Variants in PACS1 observed in about 807,000 individuals in gnomAD.
PACS1 encodes phosphofurin acidic cluster sorting protein 1, also known as PACS-1.
Under a neutral mutation model 115.0 loss-of-function variants are expected in PACS1, and 24 were observed. That is an observed-to-expected ratio of 0.21 (90% CI 0.15 to 0.29). PACS1 has a LOEUF of 0.29. PACS1 is among the 10% of genes least tolerant of loss of function. The pLI is 1.00. For synonymous variants in PACS1, 453 were observed against 504.5 expected (o/e 0.90, Z 1.37); for missense variants, 838 against 1,251.2 (o/e 0.67, Z 4.98).
At position 66,229,204 on chromosome 11, in the gene PACS1, G is replaced by A. The variant is rs553273832; in HGVS notation, c.1375-1344G>A. 6.8e-4 allele frequency among the ~76,000 whole-genome samples: 56 copies of A among 82,398 alleles called. No individual in the cohort carries two copies. The East Asian group carries it at 9.4e-3, about 14-fold the overall frequency. The allele number at this position is 82,398 out of a possible 152,430, so 54.1% of individuals were successfully genotyped here. A position where few individuals can be genotyped will look rare whatever the true frequency, so the allele number is the denominator to read the frequency against. On this transcript the variant is annotated intron_variant, in intron 11 of 23. Coordinates refer to ENST00000320580, the MANE Select transcript of PACS1 (RefSeq NM_018026.4). Reference sequence around the variant, plus strand: ...CAGCCCGGGCAACATGGAAAAACCCGTCTCTACAAAAAAAAAAAAAAAAAA... The same window carrying A: ...CAGCCCGGGCAACATGGAAAAACCCATCTCTACAAAAAAAAAAAAAAAAAA...
At chr11:66,110,948 C>T (rs3825067) in intron 1 of PACS1, among the ~76,000 whole-genome samples, 31,252 of 152,170 alleles carry the variant, frequency 0.21, 3,298 homozygotes, top group Middle Eastern at 0.28. Context: ...TAAAATTGAT[C>T]TCGGAGTCAC....
intron 2 of PACS1, among the ~76,000 whole-genome samples, chr11:66,198,807 C>T (rs2134681026): frequency 6.6e-6 from 1 of 152,190 alleles, no homozygotes; most frequent in Non-Finnish European, 1.5e-5. Context: ...TGTCTTCTCA[C>T]TAAATTATTT....
At chr11:66,150,197 T>C (rs1038719046) in intron 1 of PACS1, among the ~76,000 whole-genome samples, 3 of 152,210 alleles carry the variant, frequency 2.0e-5, no homozygotes, top group Admixed American at 1.3e-4. Context: ...TCTACAGCAA[T>C]TGGAATCCAA....
chr11:66,104,656 AGAG>A (rs1251020856), intron 1 of PACS1, among the ~76,000 whole-genome samples: 1 of 152,216 alleles, frequency 6.6e-6, no homozygotes, highest in Non-Finnish European at 1.5e-5. Flanking sequence ...GCTTGCTCTC[AGAG>A]GAGTTGAGTA....
chr11:66,101,616 G>A (rs985585167), intron 1 of PACS1, among the ~76,000 whole-genome samples: 2 of 152,154 alleles, frequency 1.3e-5, no homozygotes, highest in Non-Finnish European at 2.9e-5. Flanking sequence ...GTATTCCTGG[G>A]GTCTTCAACC....
At chr11:66,214,810 C>T (rs943049993) in intron 4 of PACS1, among the ~76,000 whole-genome samples, 9 of 151,416 alleles carry the variant, frequency 5.9e-5, no homozygotes, top group Admixed American at 2.6e-4. Context: ...TTAGTAGAGA[C>T]GGGGTTCCAC....
Position 66,232,848 on chromosome 11 carries a change from T to C in PACS1, c.1732-112T>C, listed in dbSNP as rs1317215101. On this transcript the variant is annotated intron_variant, in intron 14 of 23. Coordinates refer to ENST00000320580, the MANE Select transcript of PACS1 (RefSeq NM_018026.4). ...GCCTTTGCCCAGCTTCGGTCTGAAC[T>C]GCAGAGGACAGGGGCCCTGCAGCTC... The C allele has an allele frequency of 7.6e-6, 6 of 793,118 alleles. No homozygotes were observed. In the African/African-American group the frequency reaches 8.5e-5, roughly 11 times the overall value. 49.1% of individuals were successfully genotyped at this position (793,118 alleles called of 1,614,324 possible).
chr11:66,237,386 C>T (rs1855726164), intron 19 of PACS1, among the ~76,000 whole-genome samples: 1 of 152,174 alleles, frequency 6.6e-6, no homozygotes, highest in South Asian at 2.1e-4. Context: ...TTTGTAATTT[C>T]CTTGAGGCTC....
chr11:66,185,481 C>T (rs1248904524), intron 1 of PACS1, among the ~76,000 whole-genome samples: 1 of 152,180 alleles, frequency 6.6e-6, no homozygotes, highest in Non-Finnish European at 1.5e-5. Flanking sequence ...TGGAGAACCC[C>T]AGCTGTCCAT....
chr11:66,194,379 T>G (rs1854601619), intron 2 of PACS1, among the ~76,000 whole-genome samples: 1 of 152,216 alleles, frequency 6.6e-6, no homozygotes, highest in African/African-American at 2.4e-5. Context: ...TTATAACTCC[T>G]TACATTTGGT....
intron 2 of PACS1, among the ~76,000 whole-genome samples, chr11:66,205,937 CAGG>C (rs1188982756): frequency 6.6e-6 from 1 of 152,184 alleles, no homozygotes; most frequent in Non-Finnish European, 1.5e-5. Flanking sequence ...CACCTGAGGT[CAGG>C]AGTTCAAGAC....
chr11:66,137,687 T>C (rs1858879473), intron 1 of PACS1, among the ~76,000 whole-genome samples: 1 of 152,166 alleles, frequency 6.6e-6, no homozygotes, highest in Admixed American at 6.5e-5. Flanking sequence ...GGGGTGACAA[T>C]AATATTGGCC....
At chr11:66,228,156 C>T (rs1016505998) in intron 11 of PACS1, among the ~76,000 whole-genome samples, 2 of 148,644 alleles carry the variant, frequency 1.3e-5, no homozygotes, top group Non-Finnish European at 3.0e-5. Context: ...CCTGTACCTC[C>T]GGCCCAGGGA....
At chr11:66,073,916 C>CTTTT (rs34145797) in intron 1 of PACS1, among the ~76,000 whole-genome samples, 1 of 76,942 alleles carries the variant, frequency 1.3e-5, no homozygotes. Flanking sequence ...TCACACCTGG[C>CTTTT]TTTTTTTTTT....
intron 2 of PACS1, among the ~76,000 whole-genome samples, chr11:66,208,923 T>C (rs752681576): frequency 3.3e-5 from 5 of 152,206 alleles, no homozygotes; most frequent in Admixed American, 2.0e-4. Context: ...TTACCAACTT[T>C]GGATGTTGTG....
At chr11:66,106,837 C>T (rs1379508706) in intron 1 of PACS1, among the ~76,000 whole-genome samples, 4 of 152,142 alleles carry the variant, frequency 2.6e-5, no homozygotes, top group East Asian at 1.9e-4. Flanking sequence ...TATACCTTTC[C>T]GAAGGTTGTG....
chr11:66,186,087 T>C (rs1590804669), intron 1 of PACS1, among the ~76,000 whole-genome samples: 2 of 152,004 alleles, frequency 1.3e-5, no homozygotes, highest in Admixed American at 1.3e-4. Flanking sequence ...GGCAGTGTAA[T>C]GAGACCCCAT....
At chr11:66,156,839 C>T (rs1258619707) in intron 1 of PACS1, among the ~76,000 whole-genome samples, 1 of 147,520 alleles carries the variant, frequency 6.8e-6, no homozygotes, top group Non-Finnish European at 1.5e-5. Flanking sequence ...GGCGACAGAG[C>T]GAGACTCTGT....
At chr11:66,240,787 T>C (rs1256887471) in intron 21 of PACS1, among the ~76,000 whole-genome samples, 5 of 152,016 alleles carry the variant, frequency 3.3e-5, no homozygotes, top group African/African-American at 4.8e-5. Context: ...TTAATCTTGT[T>C]TTTTAATGGA....
Sources: gnomAD v4.1 joint callset for allele counts (sites outside exome capture counted in the v4.1 genomes callset) on GRCh38, gnomAD v4.1.1 for gene constraint, MANE v1.5 for transcripts, NCBI Gene and HGNC (gene_info 2026-07-23, HGNC 2026-07-21) for gene names.